The following DCLK1 variants were observed in gnomAD, a reference collection of about 807,000 sequenced individuals.
DCLK1 encodes the protein serine/threonine-protein kinase DCLK1.
Under a neutral mutation model 86.2 loss-of-function variants are expected in DCLK1, and 16 were observed. The ratio of observed to expected loss-of-function variants is 0.19; its 90% CI spans 0.13 to 0.28. The LOEUF (loss-of-function observed/expected upper bound fraction) is 0.28, where lower values mean the gene tolerates loss of function less well. Among genes scored for constraint, DCLK1 ranks in the 10% least tolerant of loss-of-function variants. The pLI, the probability that DCLK1 is intolerant of heterozygous loss-of-function variation, is 1.00. For synonymous variants in DCLK1, 369 were observed against 370.5 expected, an observed-to-expected ratio of 1.00 and a Z score of 0.05; for missense variants, 590 against 940.2, an observed-to-expected ratio of 0.63 and a Z score of 4.87.
At chr13:36,006,611 G>A (rs185094779) in intron 3 of DCLK1, among the ~76,000 whole-genome samples, 2 of 152,296 alleles carry the variant, frequency 1.3e-5, no homozygotes, top group Non-Finnish European at 2.9e-5. Context: ...AGGAGGGGGC[G>A]CAGCCCTGAA....
chr13:36,124,759 C>T (rs1886109400), intron 2 of DCLK1, among the ~76,000 whole-genome samples: 1 of 152,192 alleles, frequency 6.6e-6, no homozygotes, highest in South Asian at 2.1e-4. Context: ...GCTCTTCCAA[C>T]ACTCCATCCA....
chr13:36,004,475 AAATAG>A (rs1880858459), intron 3 of DCLK1, among the ~76,000 whole-genome samples: 1 of 152,232 alleles, frequency 6.6e-6, no homozygotes, highest in Non-Finnish European at 1.5e-5. Flanking sequence ...GGGGGAAAAG[AAATAG>A]AATATAAAGT....
At chr13:36,028,087 G>A (rs1882115973) in intron 3 of DCLK1, among the ~76,000 whole-genome samples, 1 of 152,160 alleles carries the variant, frequency 6.6e-6, no homozygotes, top group African/African-American at 2.4e-5. Flanking sequence ...AGTTAATCAA[G>A]TTGATGTTTT....
intron 3 of DCLK1, among the ~76,000 whole-genome samples, chr13:36,065,967 TG>T (rs1031505061): frequency 2.8e-4 from 43 of 152,308 alleles, no homozygotes; most frequent in African/African-American, 9.6e-4. Context: ...AAATTATGGC[TG>T]TTTTTTTTAT....
intron 3 of DCLK1, among the ~76,000 whole-genome samples, chr13:36,055,985 T>C (rs985465188): frequency 6.6e-6 from 1 of 151,718 alleles, no homozygotes; most frequent in Non-Finnish European, 1.5e-5. Flanking sequence ...GGAGAGGATG[T>C]GGAGAAATAG....
rs1340881755 is a variant in DCLK1 at position 35,770,367 on chromosome 13, A to G, written c.*4168T>C. ...GCTTCTTTTCATATCTGAATTGTCA[A>G]AAAATGTTAATTTTGGAAGTGCTTT... On this transcript the variant is annotated 3_prime_UTR_variant, in exon 17 of 17. Coordinates refer to ENST00000360631, the MANE Select transcript of DCLK1 (RefSeq NM_001330071.2). 1 of 152,226 alleles carries G rather than the reference A, an allele frequency of 6.6e-6. No homozygotes were observed. The highest frequency in any genetic ancestry group is 1.5e-5 in the Non-Finnish European group (1 of 68,040). 9.4% of individuals were successfully genotyped at this position (152,226 alleles called of 1,614,324 possible). A position where few individuals can be genotyped will look rare whatever the true frequency, so the allele number is the denominator to read the frequency against.
chr13:36,053,041 C>T (rs1883182032), intron 3 of DCLK1, among the ~76,000 whole-genome samples: 1 of 152,132 alleles, frequency 6.6e-6, no homozygotes, highest in South Asian at 2.1e-4. Context: ...TCTCTTTTCC[C>T]TTAGCTTCAA....
chr13:36,127,452 A>G (rs889272178), intron 1 of DCLK1, among the ~76,000 whole-genome samples: 1 of 152,186 alleles, frequency 6.6e-6, no homozygotes, highest in African/African-American at 2.4e-5. Context: ...ACCCCATGCT[A>G]GCTGTGTAAG....
chr13:36,085,079 G>A (rs1242842186), intron 3 of DCLK1, among the ~76,000 whole-genome samples: 1 of 151,970 alleles, frequency 6.6e-6, no homozygotes, highest in African/African-American at 2.4e-5. Flanking sequence ...ATATGCCCAA[G>A]GAAACTCAAA....
intron 3 of DCLK1, among the ~76,000 whole-genome samples, chr13:36,101,744 T>A (rs920119623): frequency 1.4e-4 from 21 of 152,022 alleles, no homozygotes; most frequent in African/African-American, 4.6e-4. Flanking sequence ...TTATTTAATT[T>A]TTTTTTTCTT....
At chr13:36,130,251 A>C (rs1455071143) in intron 1 of DCLK1, among the ~76,000 whole-genome samples, 1 of 152,150 alleles carries the variant, frequency 6.6e-6, no homozygotes, top group Non-Finnish European at 1.5e-5. Flanking sequence ...GAAAGGCAAT[A>C]TATTTAGGAA....
Position 35,970,109 on chromosome 13 carries a change from G to A in DCLK1, c.724-22652C>T, listed in dbSNP as rs897367386. 2.6e-5 allele frequency among the ~76,000 whole-genome samples: 4 copies of A among 152,038 alleles called. No homozygotes were observed. In the East Asian group the frequency reaches 7.7e-4, roughly 29 times the overall value. ...TTTGAGGTCTCTCTCACAATCTAAA[G>A]GTCTCTTTCTCCTTTCTATTAAGGG... On this transcript the variant is annotated intron_variant, in intron 3 of 16. Transcript: ENST00000360631.
chr13:35,803,343 T>G (rs2086960721), intron 15 of DCLK1, among the ~76,000 whole-genome samples: 1 of 152,168 alleles, frequency 6.6e-6, no homozygotes, highest in Non-Finnish European at 1.5e-5. Flanking sequence ...TGAATGCAGA[T>G]GTTGTTGAGG....
intron 3 of DCLK1, among the ~76,000 whole-genome samples, chr13:35,979,001 C>T (rs1367702021): frequency 6.6e-6 from 1 of 152,222 alleles, no homozygotes; most frequent in African/African-American, 2.4e-5. Flanking sequence ...ATCCTGAAAA[C>T]ACGATCTTCC....
Position 36,112,066 on chromosome 13 carries a change from C to A in DCLK1, c.526G>T (p.Val176Leu). Reference sequence around the variant, plus strand: ...CGAATGAAATCCTTATTCTCTCGCACCTCTGAAGGGCTTCCTTTGGCAGTG... The same window carrying A: ...CGAATGAAATCCTTATTCTCTCGCAACTCTGAAGGGCTTCCTTTGGCAGTG... ...LATAKGSPSE[V>L]RENKDFIRPK... is the part of the protein sequence containing the mutation. The change falls in exon 3 of 17, where the codon GTG (valine) becomes TTG (leucine). Residue 176 changes from valine to leucine, a missense_variant. By Grantham distance (32) the Val-to-Leu change is conservative. Around this residue, in one of 6 missense-constraint regions of DCLK1, gnomAD observed 195 missense variants for 365.1 expected, o/e 0.53. Transcript: ENST00000360631. 6.2e-7 allele frequency: 1 copy of A among 1,614,198 alleles called. No individual in the cohort carries two copies. Among genetic ancestry groups the A allele is most frequent in the Non-Finnish European group, 8.5e-7 (1 of 1,180,046 alleles).
At chr13:36,041,332 C>T (rs542955402) in intron 3 of DCLK1, among the ~76,000 whole-genome samples, 6 of 152,168 alleles carry the variant, frequency 3.9e-5, no homozygotes, top group Non-Finnish European at 5.9e-5. Context: ...CTTCCACCAT[C>T]GGGCATCCAT....
chr13:36,077,033 G>A (rs183234451), intron 3 of DCLK1, among the ~76,000 whole-genome samples: 143 of 152,196 alleles, frequency 9.4e-4, no homozygotes, highest in African/African-American at 3.3e-3. Flanking sequence ...AGAGGAGGAG[G>A]AGAAAATATA....
At chr13:35,989,233 T>C (rs1349014559) in intron 3 of DCLK1, among the ~76,000 whole-genome samples, 1 of 152,184 alleles carries the variant, frequency 6.6e-6, no homozygotes, top group Non-Finnish European at 1.5e-5. Context: ...TTTTGCAAAA[T>C]ATCTATACTT....
chr13:36,125,713 T>G, intron 2 of DCLK1, 49 bp downstream of exon 2: 9 of 1,564,204 alleles, frequency 5.8e-6, no homozygotes, highest in Non-Finnish European at 7.8e-6. Context: ...ACTGGAAATC[T>G]GAGCCTGGAA....
Sources: gnomAD v4.1 joint callset for allele counts (sites outside exome capture counted in the v4.1 genomes callset) on GRCh38, gnomAD v4.1.1 for gene constraint, gnomAD v4.1.1 regional missense constraint, MANE v1.5 for transcripts, NCBI Gene and HGNC (gene_info 2026-07-23, HGNC 2026-07-21) for gene names.